The following LARP1 variants were observed in gnomAD, a reference collection of about 807,000 sequenced individuals.
The protein encoded by LARP1 is La ribonucleoprotein 1, translational regulator.
In LARP1, 36 loss-of-function variants were observed where a neutral mutation model predicts 122.7. The ratio of observed to expected loss-of-function variants is 0.29; its 90% CI spans 0.22 to 0.39. The LOEUF is 0.39. Among genes scored for constraint, LARP1 ranks in the 10% least tolerant of loss-of-function variants. The probability of loss-of-function intolerance (pLI) is 1.00; values close to 1 mark genes in which losing one functional copy is unlikely to be tolerated. For missense variants in LARP1, 1,040 were observed against 1,403.6 expected (o/e 0.74, Z 4.14); for synonymous variants, 539 against 528.7 (o/e 1.02, Z -0.27).
At chr5:154,685,878 G>A (rs1006082910) in intron 1 of LARP1, 2 of 507,494 alleles carry the variant, frequency 3.9e-6, no homozygotes, top group Non-Finnish European at 7.8e-6. Flanking sequence ...CATGTAAACT[G>A]TACAGCCCTA....
At chr5:154,728,940 A>T (rs1374248497) in intron 1 of LARP1, among the ~76,000 whole-genome samples, 1 of 152,146 alleles carries the variant, frequency 6.6e-6, no homozygotes, top group Non-Finnish European at 1.5e-5. Flanking sequence ...CTTACTGGAA[A>T]TGGGCCCTCT....
intron 1 of LARP1, among the ~76,000 whole-genome samples, chr5:154,725,404 AAAAG>A (rs1434161210): frequency 2.7e-5 from 4 of 150,480 alleles, no homozygotes; most frequent in Non-Finnish European, 5.9e-5. Context: ...AAAAAAAAAA[AAAAG>A]GTGTGATGGC....
At position 154,809,384 on chromosome 5, in the gene LARP1, C is replaced by T. The variant is rs12653909; in HGVS notation, c.2843+781C>T. Among the ~76,000 whole-genome samples the T allele has an allele frequency of 7.0e-3, 936 of 132,914 alleles. 36 individuals are homozygous for T. In the South Asian group the frequency reaches 0.1, roughly 14 times the overall value. The allele number at this position is 132,914 out of a possible 152,430, so 87.2% of individuals were successfully genotyped here. A position where few individuals can be genotyped will look rare whatever the true frequency, so the allele number is the denominator to read the frequency against. ...CAATTTTCAATGTAAAATGTGCTCT[C>T]TGTAAACTACATGAAAAAAGACAAG... On this transcript the variant is annotated intron_variant, in intron 16 of 18. Transcript: ENST00000518297.
chr5:154,817,266 C>G lies in LARP1; in HGVS notation c.*3170C>G, dbSNP rs1759738405. 1 of 152,484 alleles carries G rather than the reference C, an allele frequency of 6.6e-6. No individual in the cohort carries two copies. Among genetic ancestry groups the G allele is most frequent in the Non-Finnish European group, 1.5e-5 (1 of 68,044 alleles). 9.4% of individuals were successfully genotyped at this position (152,484 alleles called of 1,614,324 possible). A position where few individuals can be genotyped will look rare whatever the true frequency, so the allele number is the denominator to read the frequency against. The stretch of plus-strand genomic sequence containing the variant: ...TTTCCCTAACACCCACCCTCTCCCC[C>G]TTCAGCCATGCTGATGGCAGAGAAG... On this transcript the variant is annotated 3_prime_UTR_variant, in exon 19 of 19. Coordinates refer to ENST00000518297, the MANE Select transcript of LARP1 (RefSeq NM_033551.3).
chr5:154,755,531 A>C lies in LARP1; in HGVS notation c.-227A>C, dbSNP rs1239868601. The C allele has an allele frequency of 2.0e-6, 2 of 985,706 alleles. No individual in the cohort carries two copies. Among genetic ancestry groups the C allele is most frequent in the Non-Finnish European group, 2.4e-6 (2 of 828,952 alleles). 61.1% of individuals were successfully genotyped at this position (985,706 alleles called of 1,614,324 possible). A position where few individuals can be genotyped will look rare whatever the true frequency, so the allele number is the denominator to read the frequency against. On this transcript the variant is annotated 5_prime_UTR_variant, in exon 1 of 19. Transcript: ENST00000518297. The stretch of plus-strand genomic sequence containing the variant: ...CGCACGCCTAGGAGGCCTGGACTGC[A>C]GAGTGGGGGGCCTTCCTCCCCCCCC...
Position 154,814,351 on chromosome 5 carries a change from G to A in LARP1, c.*255G>A, listed in dbSNP as rs948613117. ...AGCTTCTTCTAAGGGGGGAGGGAAA[G>A]GGGGGAGATTTTTATATATATATAC... is the stretch of plus-strand genomic sequence containing the variant. On this transcript the variant is annotated 3_prime_UTR_variant, in exon 19 of 19. Transcript: ENST00000518297. The A allele has an allele frequency of 2.2e-5, 7 of 322,256 alleles. 1 individual carries two copies. The South Asian group carries it at 3.5e-4, about 16-fold the overall frequency. The allele number at this position is 322,256 out of a possible 1,614,324, so 20.0% of individuals were successfully genotyped here. A position where few individuals can be genotyped will look rare whatever the true frequency, so the allele number is the denominator to read the frequency against.
At chr5:154,771,066 C>A (rs1049135361) in intron 1 of LARP1, among the ~76,000 whole-genome samples, 1 of 150,674 alleles carries the variant, frequency 6.6e-6, no homozygotes, top group East Asian at 2.0e-4. Flanking sequence ...GAGCCAAGAT[C>A]GCGCCACTGC....
At chr5:154,685,870 T>C (rs538761389) in intron 1 of LARP1, 1 of 511,638 alleles carries the variant, frequency 2.0e-6, no homozygotes, top group East Asian at 5.6e-5. Flanking sequence ...TTGTGCAGCA[T>C]GTAAACTGTA....
chr5:154,803,186 G>A lies in LARP1; in HGVS notation c.2110-104G>A, dbSNP rs1355636965. ...GGACCAGAATTCCACGTATGTCGAC[G>A]TGGGAGCTGCCCTCTCCAACTTCCT... On this transcript the variant is annotated intron_variant, in intron 11 of 18. Coordinates refer to ENST00000518297, the MANE Select transcript of LARP1 (RefSeq NM_033551.3). This position sits in a 1 kb window ranked among gnomAD's most constrained non-coding sequence, Gnocchi z 4.4. The A allele has an allele frequency of 2.0e-6, 3 of 1,467,908 alleles. No individual in the cohort carries two copies. Among genetic ancestry groups the A allele is most frequent in the South Asian group, 1.2e-5 (1 of 84,252 alleles). 90.9% of individuals were successfully genotyped at this position (1,467,908 alleles called of 1,614,324 possible).
chr5:154,766,796 T>G (rs1461837355), intron 1 of LARP1, among the ~76,000 whole-genome samples: 2 of 152,226 alleles, frequency 1.3e-5, no homozygotes, highest in Non-Finnish European at 2.9e-5. Flanking sequence ...TTGAGAACAT[T>G]GGGCTATAGT....
intron 1 of LARP1, among the ~76,000 whole-genome samples, chr5:154,756,951 G>A (rs937226818): frequency 2.7e-5 from 4 of 150,866 alleles, no homozygotes; most frequent in African/African-American, 4.9e-5. Context: ...TGAGGGGCGT[G>A]TGGCGGCGGG....
chr5:154,709,264 T>C (rs138978717), upstream of LARP1, among the ~76,000 whole-genome samples: 85 of 152,320 alleles, frequency 5.6e-4, 1 homozygote, highest in Non-Finnish European at 1.0e-4. Context: ...GCAGACACAT[T>C]TGATGAAGTG....
chr5:154,695,649 T>A (rs1193121393), intron 1 of LARP1, among the ~76,000 whole-genome samples: 1 of 151,720 alleles, frequency 6.6e-6, no homozygotes, highest in Non-Finnish European at 1.5e-5. Context: ...AGAGCAAGGC[T>A]CCGTCTCAAA....
At chr5:154,764,993 A>G (rs1754814242) in intron 1 of LARP1, among the ~76,000 whole-genome samples, 1 of 151,920 alleles carries the variant, frequency 6.6e-6, no homozygotes, top group Admixed American at 6.6e-5. Flanking sequence ...TGGACCATAC[A>G]TCATCATTTC....
chr5:154,792,583 C>T, intron 3 of LARP1, 39 bp from the exon 4 acceptor site: 2 of 1,598,128 alleles, frequency 1.3e-6, no homozygotes, highest in Non-Finnish European at 1.7e-6. Context: ...CCATGAGGCA[C>T]TCACACTCAC....
intron 1 of LARP1, among the ~76,000 whole-genome samples, chr5:154,784,830 G>A (rs933331307): frequency 6.6e-6 from 1 of 152,140 alleles, no homozygotes; most frequent in African/African-American, 2.4e-5. Context: ...TTCAAAGGTC[G>A]GCAGCCTTAG....
intron 1 of LARP1, among the ~76,000 whole-genome samples, chr5:154,720,620 G>A (rs1441009972): frequency 2.6e-5 from 4 of 152,156 alleles, no homozygotes; most frequent in Non-Finnish European, 5.9e-5. Flanking sequence ...GCTGAGGTGG[G>A]AGAATCACTT....
chr5:154,772,160 G>A (rs1463057405), intron 1 of LARP1, among the ~76,000 whole-genome samples: 3 of 152,156 alleles, frequency 2.0e-5, no homozygotes, highest in East Asian at 1.9e-4. Context: ...TGCTAGCCAC[G>A]TAAATTAAAA....
At chr5:154,733,815 G>T (rs1456991405) in intron 1 of LARP1, among the ~76,000 whole-genome samples, 1 of 151,874 alleles carries the variant, frequency 6.6e-6, no homozygotes, top group Admixed American at 6.6e-5. Flanking sequence ...CGCCCACCTC[G>T]GCCTCTTAAA....
Sources: gnomAD v4.1 joint callset for allele counts (sites outside exome capture counted in the v4.1 genomes callset) on GRCh38, gnomAD v4.1.1 for gene constraint, Gnocchi (gnomAD v3.1) non-coding constraint, MANE v1.5 for transcripts, NCBI Gene and HGNC (gene_info 2026-07-23, HGNC 2026-07-21) for gene names.